The following MACROD2 variants were observed in gnomAD, a reference collection of about 807,000 sequenced individuals.
MACROD2 encodes ADP-ribose glycohydrolase MACROD2.
Under a neutral mutation model 70.4 loss-of-function variants are expected in MACROD2, and 36 were observed. That is an observed-to-expected ratio of 0.51 (90% CI 0.39 to 0.68). The LOEUF is 0.68. Ranked by LOEUF, MACROD2 falls within the 30% of genes least tolerant of loss-of-function variation. The pLI is 0.00. For synonymous variants in MACROD2, 172 were observed against 178.8 expected (o/e 0.96, Z 0.30); for missense variants, 496 against 538.4 (o/e 0.92, Z 0.78).
intron 5 of MACROD2, among the ~76,000 whole-genome samples, chr20:14,870,469 C>T (rs940903309): frequency 6.6e-6 from 1 of 152,080 alleles, no homozygotes; most frequent in Non-Finnish European, 1.5e-5. Flanking sequence ...AGTAATAGCA[C>T]TGCTGAGTCA....
At chr20:14,319,110 T>C (rs1490959241) in intron 3 of MACROD2, among the ~76,000 whole-genome samples, 1 of 152,226 alleles carries the variant, frequency 6.6e-6, no homozygotes, top group Non-Finnish European at 1.5e-5. Flanking sequence ...CTGAAGTCTG[T>C]ATTTTATATA....
intron 3 of MACROD2, among the ~76,000 whole-genome samples, chr20:14,361,456 T>G (rs1262894494): frequency 6.6e-6 from 1 of 152,186 alleles, no homozygotes; most frequent in Non-Finnish European, 1.5e-5. Flanking sequence ...AAATCTAGAA[T>G]GGAGCTGGAT....
At chr20:15,311,702 A>G (rs532122089) in intron 6 of MACROD2, among the ~76,000 whole-genome samples, 44 of 152,200 alleles carry the variant, frequency 2.9e-4, no homozygotes, top group Non-Finnish European at 4.7e-4. Context: ...CAAATACTGC[A>G]TGTTCTCACA....
intron 5 of MACROD2, among the ~76,000 whole-genome samples, chr20:14,720,402 A>G (rs2071450760): frequency 6.6e-6 from 1 of 152,098 alleles, no homozygotes; most frequent in African/African-American, 2.4e-5. Flanking sequence ...AGGGTGCTGA[A>G]CATTCATCCT....
intron 5 of MACROD2, among the ~76,000 whole-genome samples, chr20:14,780,617 C>T (rs1325689649): frequency 6.6e-6 from 1 of 151,486 alleles, no homozygotes; most frequent in African/African-American, 2.4e-5. Context: ...ATGGAGTGAC[C>T]TTTCTTCCTT....
intron 11 of MACROD2, among the ~76,000 whole-genome samples, chr20:15,933,934 C>T (rs6135612): frequency 0.098 from 14,851 of 151,994 alleles, 1,104 homozygotes; most frequent in East Asian, 0.29. Flanking sequence ...TATTCCACAC[C>T]GTAGATTATA....
intron 6 of MACROD2, among the ~76,000 whole-genome samples, chr20:15,406,693 C>G (rs1267678581): frequency 6.6e-6 from 1 of 152,088 alleles, no homozygotes. Flanking sequence ...CAAAATGAGG[C>G]TGATAGCTAA....
intron 5 of MACROD2, among the ~76,000 whole-genome samples, chr20:14,883,578 T>TAGTGA (rs2073635554): frequency 1.4e-5 from 2 of 144,906 alleles, no homozygotes; most frequent in African/African-American, 2.6e-5. Context: ...TGAAATGAAC[T>TAGTGA]GTCTATATCT....
At chr20:14,117,002 G>T (rs141662923) in intron 3 of MACROD2, among the ~76,000 whole-genome samples, 2,782 of 150,596 alleles carry the variant, frequency 0.018, 43 homozygotes, top group Non-Finnish European at 0.025. Context: ...GGGAGGCAGA[G>T]GTTGCAGTGA....
intron 9 of MACROD2, among the ~76,000 whole-genome samples, chr20:15,867,467 A>G (rs2064509392): frequency 6.6e-6 from 1 of 152,172 alleles, no homozygotes; most frequent in Non-Finnish European, 1.5e-5. Flanking sequence ...GCTTTATGGA[A>G]TTATCATACA....
intron 3 of MACROD2, among the ~76,000 whole-genome samples, chr20:14,119,685 T>C (rs572386281): frequency 6.9e-4 from 105 of 152,306 alleles, no homozygotes; most frequent in Non-Finnish European, 1.1e-3. Context: ...TTGACACTTA[T>C]ATGTCAAATA....
chr20:14,577,252 A>C (rs1438239125), intron 4 of MACROD2, among the ~76,000 whole-genome samples: 2 of 152,248 alleles, frequency 1.3e-5, no homozygotes, highest in Non-Finnish European at 2.9e-5. Context: ...GTATCTTATA[A>C]ATGAAATCCA....
intron 4 of MACROD2, among the ~76,000 whole-genome samples, chr20:14,508,234 AATGCCTCAAC>A (rs1416075819): frequency 1.3e-5 from 2 of 152,142 alleles, no homozygotes; most frequent in African/African-American, 4.8e-5. Context: ...GTATTGAAGA[AATGCCTCAAC>A]ATACAGTCAG....
chr20:14,815,731 C>T (rs932436428), intron 5 of MACROD2, among the ~76,000 whole-genome samples: 1 of 151,944 alleles, frequency 6.6e-6, no homozygotes, highest in East Asian at 1.9e-4. Flanking sequence ...TGTTATTCTA[C>T]AAGTTAGTAA....
chr20:15,755,895 C>G (rs993465071), intron 8 of MACROD2, among the ~76,000 whole-genome samples: 1 of 152,180 alleles, frequency 6.6e-6, no homozygotes, highest in Admixed American at 6.5e-5. Context: ...AAACTCTAAC[C>G]TCTTCCTGTA....
intron 3 of MACROD2, among the ~76,000 whole-genome samples, chr20:14,332,197 A>G (rs1165643239): frequency 6.6e-6 from 1 of 152,120 alleles, no homozygotes; most frequent in Non-Finnish European, 1.5e-5. Context: ...ACAAATAAAA[A>G]TTGTGGGGTT....
At chr20:14,767,739 C>T (rs1334843957) in intron 5 of MACROD2, among the ~76,000 whole-genome samples, 4 of 151,876 alleles carry the variant, frequency 2.6e-5, no homozygotes, top group Non-Finnish European at 5.9e-5. Context: ...TTGCCGCACC[C>T]ATCAACCTGT....
At chr20:14,228,891 C>T (rs1028865552) in intron 3 of MACROD2, among the ~76,000 whole-genome samples, 3 of 150,702 alleles carry the variant, frequency 2.0e-5, no homozygotes, top group South Asian at 2.1e-4. Flanking sequence ...CCCATAATCC[C>T]AGCTACTCAG....
chr20:15,124,391 A>G (rs1166138187), intron 5 of MACROD2, among the ~76,000 whole-genome samples: 1 of 151,174 alleles, frequency 6.6e-6, no homozygotes, highest in African/African-American at 2.4e-5. Context: ...ATAAAATTAC[A>G]AGCTTTAAGA....
Sources: gnomAD v4.1 joint callset for allele counts (sites outside exome capture counted in the v4.1 genomes callset) on GRCh38, gnomAD v4.1.1 for gene constraint, MANE v1.5 for transcripts, NCBI Gene and HGNC (gene_info 2026-07-23, HGNC 2026-07-21) for gene names.